CDH8: variants seen among roughly 807,000 people sequenced by gnomAD.
CDH8 encodes the protein cadherin 8.
In CDH8, 17 loss-of-function variants were observed where a neutral mutation model predicts 68.1. That is an observed-to-expected ratio of 0.25 (90% CI 0.17 to 0.37). The LOEUF (loss-of-function observed/expected upper bound fraction) is 0.37, where lower values mean the gene tolerates loss of function less well. CDH8 is among the 10% of genes least tolerant of loss of function. The probability of loss-of-function intolerance (pLI) is 1.00; values close to 1 mark genes in which losing one functional copy is unlikely to be tolerated. For missense variants in CDH8, 763 were observed against 999.3 expected (o/e 0.76, Z 3.19); for synonymous variants, 372 against 365.1 (o/e 1.02, Z -0.21).
chr16:61,965,438 T>C lies in CDH8; in HGVS notation c.252+55714A>G, dbSNP rs79925511. 7.5e-3 allele frequency among the ~76,000 whole-genome samples: 1,143 copies of C among 152,246 alleles called. 9 individuals are homozygous for C. The highest frequency in any genetic ancestry group is 0.026 in the African/African-American group (1,081 of 41,538). ...AGGCGTGGGGCAGTTATTTCACACA[T>C]GTTTACTAAATATTCCAAGGACCCC... On this transcript the variant is annotated intron_variant, in intron 2 of 11. Coordinates refer to ENST00000577390, the MANE Select transcript of CDH8 (RefSeq NM_001796.5).
chr16:61,706,423 C>T (rs372224117), intron 10 of CDH8, among the ~76,000 whole-genome samples: 30 of 152,074 alleles, frequency 2.0e-4, no homozygotes, highest in African/African-American at 6.5e-4. Context: ...CGAGACCATC[C>T]TGGCTAACAC....
At chr16:61,987,222 A>G (rs749220073) in intron 2 of CDH8, among the ~76,000 whole-genome samples, 1 of 152,060 alleles carries the variant, frequency 6.6e-6, no homozygotes, top group Non-Finnish European at 1.5e-5. Flanking sequence ...TAATCCTTAG[A>G]GGCCAGGCCC....
In CDH8 at chr16:61,652,912, A is replaced by G. The variant is rs1332494560; in HGVS notation, c.*696T>C. The G allele has an allele frequency of 2.6e-6, 4 of 1,527,218 alleles. No individual in the cohort carries two copies. The East Asian group carries it at 7.4e-5, about 28-fold the overall frequency. The allele number at this position is 1,527,218 out of a possible 1,614,324, so 94.6% of individuals were successfully genotyped here. A position where few individuals can be genotyped will look rare whatever the true frequency, so the allele number is the denominator to read the frequency against. The stretch of plus-strand genomic sequence containing the variant: ...GGAATCCTGCTTCTAGAAAACAAGC[A>G]TGTTTGAATGGGATTTCTCTCCTCC... On this transcript the variant is annotated 3_prime_UTR_variant, in exon 12 of 12. Coordinates refer to ENST00000577390, the MANE Select transcript of CDH8 (RefSeq NM_001796.5).
At chr16:61,761,474 A>G (rs1362019399) in intron 8 of CDH8, among the ~76,000 whole-genome samples, 1 of 152,172 alleles carries the variant, frequency 6.6e-6, no homozygotes, top group African/African-American at 2.4e-5. Flanking sequence ...GTTCATCCAC[A>G]TGATCCTTTG....
intron 4 of CDH8, among the ~76,000 whole-genome samples, chr16:61,826,108 C>T (rs1962327567): frequency 6.6e-6 from 1 of 150,742 alleles, no homozygotes; most frequent in African/African-American, 2.4e-5. Context: ...ATGTACATAC[C>T]CAGAAATGTG....
chr16:61,690,671 T>A (rs963732784), intron 10 of CDH8, among the ~76,000 whole-genome samples: 1 of 152,010 alleles, frequency 6.6e-6, no homozygotes, highest in Non-Finnish European at 1.5e-5. Flanking sequence ...TATTTTCTTT[T>A]TCCTGTGCCA....
chr16:61,986,019 G>T (rs1965621130), intron 2 of CDH8, among the ~76,000 whole-genome samples: 1 of 144,526 alleles, frequency 6.9e-6, no homozygotes. Context: ...CGCCTCCCTG[G>T]TTCAAGTGAT....
chr16:62,028,486 C>T (rs1902248721), intron 1 of CDH8, among the ~76,000 whole-genome samples: 1 of 152,078 alleles, frequency 6.6e-6, no homozygotes, highest in Non-Finnish European at 1.5e-5. Context: ...AAATGCCTCT[C>T]CTCCTCCTTC....
intron 4 of CDH8, among the ~76,000 whole-genome samples, chr16:61,853,660 T>C (rs1249580134): frequency 6.6e-6 from 1 of 152,114 alleles, no homozygotes; most frequent in Non-Finnish European, 1.5e-5. Context: ...AGACCTATCA[T>C]GTAAAGAACC....
At chr16:61,660,115 T>G (rs1257501760) in intron 10 of CDH8, among the ~76,000 whole-genome samples, 1 of 151,984 alleles carries the variant, frequency 6.6e-6, no homozygotes, top group Non-Finnish European at 1.5e-5. Flanking sequence ...GAGGGGGAAA[T>G]AGACTTCACT....
intron 4 of CDH8, among the ~76,000 whole-genome samples, chr16:61,843,878 A>C (rs951004225): frequency 6.6e-6 from 1 of 152,020 alleles, no homozygotes; most frequent in East Asian, 1.9e-4. Flanking sequence ...ATTTCTCCAC[A>C]TCCTCTCCAG....
At chr16:61,956,800 G>A (rs2143612798) in intron 2 of CDH8, among the ~76,000 whole-genome samples, 1 of 152,222 alleles carries the variant, frequency 6.6e-6, no homozygotes, top group African/African-American at 2.4e-5. Flanking sequence ...CACCCTCAGG[G>A]ATGGACTTGA....
chr16:62,007,516 G>A (rs1218396471), intron 2 of CDH8, among the ~76,000 whole-genome samples: 4 of 152,202 alleles, frequency 2.6e-5, no homozygotes, highest in East Asian at 1.9e-4. Flanking sequence ...AGATTGTTCC[G>A]ACTTCATGCC....
chr16:61,811,996 A>AATACT (rs888321026), intron 7 of CDH8, among the ~76,000 whole-genome samples: 23 of 152,272 alleles, frequency 1.5e-4, no homozygotes, highest in African/African-American at 5.5e-4. Context: ...TATTGTTAAT[A>AATACT]ATACTATATT....
intron 3 of CDH8, among the ~76,000 whole-genome samples, chr16:61,876,892 T>C (rs913563250): frequency 3.9e-5 from 6 of 152,142 alleles, no homozygotes; most frequent in African/African-American, 9.7e-5. Context: ...GAGGTAGAAA[T>C]GGCAGACTTA....
chr16:61,709,659 G>A (rs1964592730), intron 10 of CDH8, among the ~76,000 whole-genome samples: 1 of 151,958 alleles, frequency 6.6e-6, no homozygotes, highest in Non-Finnish European at 1.5e-5. Context: ...AATTGAAAGT[G>A]ATCCCAACAA....
chr16:61,959,980 GTGTGTATA>G (rs1258747630), intron 2 of CDH8, among the ~76,000 whole-genome samples: 438 of 37,372 alleles, frequency 0.012, 45 homozygotes, highest in African/African-American at 0.034. Context: ...ATGTGTGTGT[GTGTGTATA>G]TATATATATA....
chr16:62,033,304 A>G (rs574865105), intron 1 of CDH8, among the ~76,000 whole-genome samples: 1 of 152,310 alleles, frequency 6.6e-6, no homozygotes, highest in East Asian at 1.9e-4. Context: ...ATACCCAAAT[A>G]AAGTTGTTTT....
At chr16:62,006,644 T>G (rs1360970099) in intron 2 of CDH8, among the ~76,000 whole-genome samples, 1 of 152,184 alleles carries the variant, frequency 6.6e-6, no homozygotes, top group African/African-American at 2.4e-5. Flanking sequence ...CTATTAAAAA[T>G]GTATTTGCTC....
Sources: gnomAD v4.1 joint callset for allele counts (sites outside exome capture counted in the v4.1 genomes callset) on GRCh38, gnomAD v4.1.1 for gene constraint, MANE v1.5 for transcripts, NCBI Gene and HGNC (gene_info 2026-07-23, HGNC 2026-07-21) for gene names.